RAI1: variants seen among roughly 807,000 people sequenced by gnomAD.
RAI1 encodes retinoic acid induced 1.
RAI1 carries 9 observed loss-of-function variants against 123.8 expected under a neutral mutation model. The observed-to-expected ratio is 0.07, with a 90% CI of 0.04 to 0.13. The LOEUF is 0.13. RAI1 is among the 10% of genes least tolerant of loss of function. The pLI is 1.00. For synonymous variants in RAI1, 1,231 were observed against 1,127.3 expected (o/e 1.09, Z -1.84); for missense variants, 2,256 against 2,545.8 (o/e 0.89, Z 2.45).
At chr17:17,713,515 C>G (rs1382422564) in intron 1 of RAI1, among the ~76,000 whole-genome samples, 1 of 152,130 alleles carries the variant, frequency 6.6e-6, no homozygotes, top group African/African-American at 2.4e-5. Context: ...GTGATACACG[C>G]CTGTAGTCCC....
chr17:17,798,664 G>C, intron 3 of RAI1, 151 bp downstream of exon 3: 1 of 1,385,856 alleles, frequency 7.2e-7, no homozygotes, highest in Non-Finnish European at 9.7e-7. Context: ...GCCTCTCTGG[G>C]GTGTGTGGGG....
At chr17:17,716,830 A>C (rs762691152) in intron 1 of RAI1, among the ~76,000 whole-genome samples, 1 of 152,170 alleles carries the variant, frequency 6.6e-6, no homozygotes, top group Non-Finnish European at 1.5e-5. Flanking sequence ...AGCGTGGGGC[A>C]CTGGTGGGGC....
chr17:17,798,618 G>A, intron 3 of RAI1, 105 bp downstream of exon 3: 1 of 1,528,618 alleles, frequency 6.5e-7, no homozygotes, highest in Non-Finnish European at 8.8e-7. Context: ...TGGGCCAAAT[G>A]TGTCTGCAGT....
At chr17:17,802,114 G>C (rs1289473340) in intron 3 of RAI1, 1 of 471,004 alleles carries the variant, frequency 2.1e-6, no homozygotes, top group Admixed American at 2.3e-5. Flanking sequence ...TCTTCCAAGG[G>C]CCTTCTTGGT....
At chr17:17,774,323 T>C (rs1307111474) in intron 2 of RAI1, among the ~76,000 whole-genome samples, 5 of 152,228 alleles carry the variant, frequency 3.3e-5, no homozygotes. Context: ...GAGTCAGCAG[T>C]GGGCGTCAGG....
rs1019525708 is a variant in RAI1 at position 17,801,706 on chromosome 17, G to A, written c.5566-2050G>A. On this transcript the variant is annotated intron_variant, in intron 3 of 5. Coordinates refer to ENST00000353383, the MANE Select transcript of RAI1 (RefSeq NM_030665.4). This position sits in a 1 kb window ranked among gnomAD's most constrained non-coding sequence, Gnocchi z 4.1. ...AGGCCCCACTCCCAGCATGGGCAGC[G>A]GGGAGGGGAGTGTTCTGACATTTCT... is the stretch of plus-strand genomic sequence containing the variant. Among the ~76,000 whole-genome samples the A allele has an allele frequency of 2.0e-5, 3 of 152,184 alleles. No individual in the cohort carries two copies. Among genetic ancestry groups the A allele is most frequent in the African/African-American group, 4.8e-5 (2 of 41,446 alleles).
At chr17:17,750,841 T>C (rs1385429162) in intron 2 of RAI1, among the ~76,000 whole-genome samples, 2 of 152,250 alleles carry the variant, frequency 1.3e-5, no homozygotes, top group African/African-American at 4.8e-5. Context: ...TTATGCGGGC[T>C]GAGCCACAGT....
chr17:17,809,986 C>T lies in RAI1; in HGVS notation c.*5C>T. 1 of 1,550,416 alleles carries T rather than the reference C, an allele frequency of 6.4e-7. No individual in the cohort carries two copies. Among genetic ancestry groups the T allele is most frequent in the Non-Finnish European group, 8.7e-7 (1 of 1,148,470 alleles). ...CTTTTGCAGAGGCTGCCGTAGTAAT[C>T]CACCCCAACGGCCGGAGGAGCCGCC... On this transcript the variant is annotated 3_prime_UTR_variant, in exon 6 of 6. Coordinates refer to ENST00000353383, the MANE Select transcript of RAI1 (RefSeq NM_030665.4). This position sits in a 1 kb window ranked among gnomAD's most constrained non-coding sequence, Gnocchi z 4.9.
chr17:17,772,537 C>T (rs1433637171), intron 2 of RAI1, among the ~76,000 whole-genome samples: 1 of 152,252 alleles, frequency 6.6e-6, no homozygotes. Context: ...GAGGGCCACA[C>T]ACCACGTGGA....
chr17:17,687,012 C>T (rs1914665660), intron 1 of RAI1, among the ~76,000 whole-genome samples: 1 of 152,078 alleles, frequency 6.6e-6, no homozygotes, highest in Admixed American at 6.5e-5. Context: ...GAGATGGAGT[C>T]TTGCTCTGTC....
At chr17:17,804,308 T>A (rs945270755) in intron 4 of RAI1, among the ~76,000 whole-genome samples, 2 of 152,150 alleles carry the variant, frequency 1.3e-5, no homozygotes, top group African/African-American at 2.4e-5. Flanking sequence ...CTGAGACCCA[T>A]GGAGCAATTG....
chr17:17,758,393 C>T (rs1323390590), intron 2 of RAI1, among the ~76,000 whole-genome samples: 1 of 152,320 alleles, frequency 6.6e-6, no homozygotes, highest in South Asian at 2.1e-4. Context: ...TAGGTGAAGA[C>T]AAGGGGCCCT....
In RAI1 at chr17:17,809,677, CA is replaced by C. The variant is rs1051684411; in HGVS notation, c.5709+239del. Reference sequence around the variant, plus strand: ...CCGCAGGCGTCGGGGCATGGGCAGCCAGGGGCTGGAGGGCGTCCCTGGGACG... The same window carrying C: ...CCGCAGGCGTCGGGGCATGGGCAGCCGGGGCTGGAGGGCGTCCCTGGGACG... On this transcript the variant is annotated intron_variant, in intron 5 of 5. Transcript: ENST00000353383. This position sits in a 1 kb window ranked among gnomAD's most constrained non-coding sequence, Gnocchi z 4.9. Among the ~76,000 whole-genome samples, 6 of 152,086 alleles carry C rather than the reference CA, an allele frequency of 3.9e-5. No individual in the cohort carries two copies. The highest frequency in any genetic ancestry group is 1.4e-4 in the African/African-American group (6 of 41,428).
intron 1 of RAI1, among the ~76,000 whole-genome samples, chr17:17,716,823 G>A (rs1213417797): frequency 2.0e-5 from 3 of 152,216 alleles, no homozygotes; most frequent in Admixed American, 6.5e-5. Context: ...TGGGCTTAGC[G>A]TGGGGCACTG....
intron 2 of RAI1, among the ~76,000 whole-genome samples, chr17:17,783,885 C>T (rs2031721655): frequency 6.6e-6 from 1 of 151,980 alleles, no homozygotes; most frequent in African/African-American, 2.4e-5. Flanking sequence ...GCGCAATTAA[C>T]GAAGTCAGCT....
intron 2 of RAI1, among the ~76,000 whole-genome samples, chr17:17,774,795 T>C (rs1282020284): frequency 1.3e-5 from 2 of 152,240 alleles, no homozygotes; most frequent in Admixed American, 6.5e-5. Flanking sequence ...GTCTGGCAGC[T>C]GCATGTACGT....
At position 17,797,229 on chromosome 17, in the gene RAI1, G is replaced by A. The variant is rs751274236; in HGVS notation, c.4281G>A (p.Glu1427=). Reference sequence around the variant, plus strand: ...CTTCTACTGACTGTTTCAAAACCGAGGCCTTCACATCCCCGGAGGCCCTGC... The same window carrying A: ...CTTCTACTGACTGTTTCAAAACCGAAGCCTTCACATCCCCGGAGGCCCTGC... ...KLSSTDCFKT[E]AFTSPEALQP... Residue 1427 remains glutamate (E), a synonymous_variant, in exon 3 of 6, where the codon GAG becomes GAA. Transcript: ENST00000353383. The A allele has an allele frequency of 1.2e-6, 2 of 1,613,504 alleles. No homozygotes were observed. The highest frequency in any genetic ancestry group is 2.7e-5 in the African/African-American group (2 of 74,942).
chr17:17,720,644 G>A (rs1463267369), intron 1 of RAI1, among the ~76,000 whole-genome samples: 1 of 152,204 alleles, frequency 6.6e-6, no homozygotes, highest in Non-Finnish European at 1.5e-5. Context: ...GCTTGGTGGA[G>A]GTGAGCAAAG....
Position 17,809,574 on chromosome 17 carries a change from TC to T in RAI1, c.5709+139del. ...GGCCCAGCCCTAGGGGAGGGAGCTC[TC>T]CCCGCCCACCCCCAGGAGCCCCCGC... On this transcript the variant is annotated intron_variant, in intron 5 of 5. Coordinates refer to ENST00000353383, the MANE Select transcript of RAI1 (RefSeq NM_030665.4). The surrounding 1 kb of genome is among the most constrained non-coding windows in gnomAD (Gnocchi z 4.9). The T allele has an allele frequency of 1.0e-6, 1 of 959,226 alleles. No individual in the cohort carries two copies. Among genetic ancestry groups the T allele is most frequent in the Non-Finnish European group, 1.6e-6 (1 of 635,274 alleles). 59.4% of individuals were successfully genotyped at this position (959,226 alleles called of 1,614,324 possible).
Sources: gnomAD v4.1 joint callset for allele counts (sites outside exome capture counted in the v4.1 genomes callset) on GRCh38, gnomAD v4.1.1 for gene constraint, Gnocchi (gnomAD v3.1) non-coding constraint, MANE v1.5 for transcripts, NCBI Gene and HGNC (gene_info 2026-07-23, HGNC 2026-07-21) for gene names.